The following JAK2 variants were observed in gnomAD, a reference collection of about 807,000 sequenced individuals.
JAK2 encodes the protein tyrosine-protein kinase JAK2.
Under a neutral mutation model 139.3 loss-of-function variants are expected in JAK2, and 86 were observed. That is an observed-to-expected ratio of 0.62 (90% CI 0.52 to 0.74). JAK2 has a LOEUF of 0.74. Among genes scored for constraint, JAK2 ranks in the 30% least tolerant of loss-of-function variants. The probability of loss-of-function intolerance (pLI) is 0.00; values close to 1 mark genes in which losing one functional copy is unlikely to be tolerated. For synonymous variants in JAK2, 490 were observed against 437.7 expected, an observed-to-expected ratio of 1.12 and a Z score of -1.49; for missense variants, 1,421 against 1,360.3, an observed-to-expected ratio of 1.04 and a Z score of -0.70.
chr9:5,120,319 A>G (rs1047787436), intron 22 of JAK2, among the ~76,000 whole-genome samples: 1 of 152,240 alleles, frequency 6.6e-6, no homozygotes, highest in Admixed American at 6.5e-5. Flanking sequence ...TGTTAATACC[A>G]TCACATTAAC....
At position 5,069,004 on chromosome 9, in the gene JAK2, A is replaced by C. The variant is rs761377666; in HGVS notation, c.1327-18A>C. Reference sequence around the variant, plus strand: ...ATTGTGACTATCCCTCCCTTTCTTTATAATTAAACTTATACAGCGAGAAAA... The same window carrying C: ...ATTGTGACTATCCCTCCCTTTCTTTCTAATTAAACTTATACAGCGAGAAAA... On this transcript the variant is annotated intron_variant, in intron 10 of 24. Coordinates refer to ENST00000381652, the MANE Select transcript of JAK2 (RefSeq NM_004972.4). The C allele has an allele frequency of 2.1e-6, 3 of 1,448,006 alleles. No individual in the cohort carries two copies. The East Asian group carries it at 6.9e-5, about 34-fold the overall frequency. 89.7% of individuals were successfully genotyped at this position (1,448,006 alleles called of 1,614,324 possible). A position where few individuals can be genotyped will look rare whatever the true frequency, so the allele number is the denominator to read the frequency against.
rs539386111 is a variant in JAK2 at position 5,008,543 on chromosome 9, A to C, written c.-25-13420A>C. On this transcript the variant is annotated intron_variant, in intron 2 of 24. Transcript: ENST00000381652. ...GATAGTTGAGCAGCACTAAGGGCCC[A>C]TTTGAGTATGAATCTAAAGAGGGAC... Among the ~76,000 whole-genome samples, 218 of 152,304 alleles carry C rather than the reference A, an allele frequency of 1.4e-3. 1 individual carries two copies. Among genetic ancestry groups the C allele is most frequent in the Non-Finnish European group, 2.7e-3 (183 of 68,016 alleles).
intron 2 of JAK2, among the ~76,000 whole-genome samples, chr9:4,986,893 G>A (rs1819976684): frequency 6.6e-6 from 1 of 152,196 alleles, no homozygotes; most frequent in Admixed American, 6.5e-5. Flanking sequence ...GTAGCATCAT[G>A]TTGGTGCTCA....
chr9:5,046,317 A>G (rs976704005), intron 5 of JAK2, among the ~76,000 whole-genome samples: 3 of 152,162 alleles, frequency 2.0e-5, no homozygotes, highest in Admixed American at 2.0e-4. Context: ...AACTCCTTAT[A>G]AGATACATGA....
chr9:5,061,922 T>C (rs1818205026), intron 8 of JAK2, among the ~76,000 whole-genome samples: 1 of 152,178 alleles, frequency 6.6e-6, no homozygotes, highest in Non-Finnish European at 1.5e-5. Flanking sequence ...ATTGGCCTAA[T>C]TTCATTATTG....
intron 22 of JAK2, chr9:5,110,864 G>T (rs749665554): frequency 1.0e-5 from 5 of 495,384 alleles, no homozygotes; most frequent in Non-Finnish European, 1.9e-5. Context: ...TCATGCCGCC[G>T]CGCCCAGCAG....
At chr9:5,053,829 A>G (rs1817582224) in intron 6 of JAK2, among the ~76,000 whole-genome samples, 1 of 152,012 alleles carries the variant, frequency 6.6e-6, no homozygotes, top group Non-Finnish European at 1.5e-5. Context: ...TTCCTGGATT[A>G]GATGGTACTT....
chr9:5,112,912 C>T lies in JAK2; in HGVS notation c.3060-10092C>T, dbSNP rs952895022. ...CCCCGTGGGCTGGGCCCAGAACGCCCACTTGAGGCCCTGGGCTTCATCCAC... is the reference window on the plus strand; with the variant it reads ...CCCCGTGGGCTGGGCCCAGAACGCCTACTTGAGGCCCTGGGCTTCATCCAC... On this transcript the variant is annotated intron_variant, in intron 22 of 24. Coordinates refer to ENST00000381652, the MANE Select transcript of JAK2 (RefSeq NM_004972.4). 10 of 283,016 alleles carry T rather than the reference C, an allele frequency of 3.5e-5. No homozygotes were observed. In the Admixed American group the frequency reaches 3.8e-4, roughly 11 times the overall value. The allele number at this position is 283,016 out of a possible 1,614,324, so 17.5% of individuals were successfully genotyped here.
At chr9:5,031,030 A>G (rs1587848374) in intron 4 of JAK2, among the ~76,000 whole-genome samples, 1 of 152,276 alleles carries the variant, frequency 6.6e-6, no homozygotes, top group South Asian at 2.1e-4. Context: ...AATGGTCTTA[A>G]TAAGAAAAAA....
At chr9:4,991,045 G>A (rs1820213066) in intron 2 of JAK2, among the ~76,000 whole-genome samples, 1 of 152,132 alleles carries the variant, frequency 6.6e-6, no homozygotes. Context: ...ATGATAGAAG[G>A]TTAGACAAGC....
In JAK2 at chr9:5,072,479, T is replaced by C. The variant is rs776684007; in HGVS notation, c.1642-13T>C. The C allele has an allele frequency of 1.3e-6, 2 of 1,525,564 alleles. No homozygotes were observed. Among genetic ancestry groups the C allele is most frequent in the South Asian group, 2.6e-5 (2 of 76,610 alleles). The allele number at this position is 1,525,564 out of a possible 1,614,324, so 94.5% of individuals were successfully genotyped here. On this transcript the variant is annotated splice_polypyrimidine_tract_variant and intron_variant, in intron 12 of 24. Coordinates refer to ENST00000381652, the MANE Select transcript of JAK2 (RefSeq NM_004972.4). ...CTTTACTCATTCTTTTCTTTTACCT[T>C]TTTCTCTTGAAGAATGAAAGCCTTG...
rs542687748 is a variant in JAK2, at chr9:5,036,907, C to A, written c.350+7001C>A. Among the ~76,000 whole-genome samples the A allele has an allele frequency of 1.5e-4, 23 of 152,246 alleles. No individual in the cohort carries two copies. The East Asian group carries it at 4.4e-3, about 29-fold the overall frequency. ...AGCTTCTGCACAGCAAAAGAAACTA[C>A]CATCAGAGTGAACAGGCAACCTACA... is the stretch of plus-strand genomic sequence containing the variant. On this transcript the variant is annotated intron_variant, in intron 4 of 24. Transcript: ENST00000381652.
chr9:5,065,756 G>A (rs1213086776), intron 9 of JAK2, among the ~76,000 whole-genome samples: 1 of 152,048 alleles, frequency 6.6e-6, no homozygotes, highest in East Asian at 1.9e-4. Flanking sequence ...GCTAGGATGT[G>A]GTTTATGTTG....
intron 19 of JAK2, among the ~76,000 whole-genome samples, chr9:5,082,333 A>G (rs7865719): frequency 0.53 from 80,862 of 152,082 alleles, 21,817 homozygotes; most frequent in African/African-American, 0.61. Flanking sequence ...AGTTCAAGGG[A>G]AGGTACTATG....
At position 5,123,121 on chromosome 9, in the gene JAK2, G is replaced by A. The variant is rs374744702; in HGVS notation, c.3177G>A (p.Ala1059=). 4.7e-5 allele frequency: 74 copies of A among 1,561,992 alleles called. No homozygotes were observed. The Middle Eastern group carries it at 1.4e-3, about 29-fold the overall frequency. The change falls in exon 23 of 25, where the codon GCG becomes GCA. Residue 1059 remains alanine (A), a splice_region_variant and synonymous_variant. Coordinates refer to ENST00000381652, the MANE Select transcript of JAK2 (RefSeq NM_004972.4). The part of the protein sequence containing the change: ...TYIEKSKSPP[A]EFMRMIGNDK... Reference sequence around the variant, plus strand: ...TTGAGAAGAGTAAAAGTCCACCAGCGGTCAGTGTGCTTTTTATTTACTTTC... The same window carrying A: ...TTGAGAAGAGTAAAAGTCCACCAGCAGTCAGTGTGCTTTTTATTTACTTTC...
At chr9:5,070,102 ATC>A in intron 12 of JAK2, 50 bp downstream of exon 12, 1 of 1,343,470 alleles carries the variant, frequency 7.4e-7, no homozygotes, top group Non-Finnish European at 1.0e-6. Context: ...TTAAAACAAC[ATC>A]TGTTTTCTTG....
chr9:5,032,142 C>T (rs766553314), intron 4 of JAK2, among the ~76,000 whole-genome samples: 8 of 152,204 alleles, frequency 5.3e-5, no homozygotes, highest in Non-Finnish European at 8.8e-5. Context: ...CACGGAGCCT[C>T]GCTCATTGCT....
chr9:5,024,679 A>G (rs1822664091), intron 3 of JAK2, among the ~76,000 whole-genome samples: 1 of 152,172 alleles, frequency 6.6e-6, no homozygotes, highest in South Asian at 2.1e-4. Context: ...CCTCAACTTT[A>G]GACCTCTGCC....
chr9:5,041,697 G>T, intron 4 of JAK2: 1 of 506,720 alleles, frequency 2.0e-6, no homozygotes, highest in South Asian at 1.5e-5. Context: ...AAGCGGCTTC[G>T]TGTTCGACTC....
Sources: allele counts gnomAD v4.1 joint callset (sites outside exome capture counted in the v4.1 genomes callset), GRCh38; gene constraint gnomAD v4.1.1; transcripts MANE v1.5; gene names NCBI Gene and HGNC (gene_info 2026-07-23, HGNC 2026-07-21).